The following DEUP1 variants were observed in gnomAD, a reference collection of about 807,000 sequenced individuals.
DEUP1 encodes the protein deuterosome assembly protein 1.
DEUP1 carries 82 observed loss-of-function variants against 87.4 expected under a neutral mutation model. That is an observed-to-expected ratio of 0.94 (90% CI 0.78 to 1.13). The LOEUF is 1.13. Among genes scored for constraint, DEUP1 ranks in the 50% most tolerant of loss-of-function variants. DEUP1 has a pLI of 0.00. For synonymous variants in DEUP1, 214 were observed against 222.7 expected (o/e 0.96, Z 0.35); for missense variants, 663 against 681.5 (o/e 0.97, Z 0.30).
Position 93,372,149 on chromosome 11 carries a change from C to G in DEUP1, c.789+869C>G, listed in dbSNP as rs189694204. Among the ~76,000 whole-genome samples the G allele has an allele frequency of 9.9e-3, 1,511 of 152,008 alleles. 26 individuals carry two copies. Among genetic ancestry groups the G allele is most frequent in the African/African-American group, 0.034 (1,400 of 41,464 alleles). ...TTCACCGTTTTAGCCGGGATGGTCT[C>G]GATCTCCTGACCTCGTGATCCGCCC... On this transcript the variant is annotated intron_variant, in intron 7 of 13. Transcript: ENST00000298050.
chr11:93,359,604 G>T (rs746113951), intron 4 of DEUP1, among the ~76,000 whole-genome samples: 12 of 152,056 alleles, frequency 7.9e-5, no homozygotes, highest in Non-Finnish European at 1.8e-4. Flanking sequence ...ACAGAAGCTG[G>T]CAAACCAGTT....
chr11:93,392,536 T>C (rs1946796998), intron 9 of DEUP1, among the ~76,000 whole-genome samples: 1 of 152,192 alleles, frequency 6.6e-6, no homozygotes, highest in Admixed American at 6.5e-5. Flanking sequence ...CATGTTTAGA[T>C]ACTAATTCAA....
chr11:93,336,254 A>AG (rs1217814423), intron 2 of DEUP1, among the ~76,000 whole-genome samples: 2 of 152,050 alleles, frequency 1.3e-5, no homozygotes, highest in African/African-American at 4.8e-5. Flanking sequence ...GAGAGAGAGA[A>AG]GGGGGGAGTT....
chr11:93,417,051 T>C, intron 13 of DEUP1, among the ~76,000 whole-genome samples: 1 of 150,836 alleles, frequency 6.6e-6, no homozygotes, highest in East Asian at 2.0e-4. Flanking sequence ...GAGCTATCTA[T>C]GACAAACCCA....
At chr11:93,414,617 G>C (rs1947549182) in intron 12 of DEUP1, among the ~76,000 whole-genome samples, 1 of 152,122 alleles carries the variant, frequency 6.6e-6, no homozygotes, top group Non-Finnish European at 1.5e-5. Flanking sequence ...AATAGAAAAA[G>C]AGTATCTATT....
chr11:93,430,168 GTT>G (rs1948060260), intron 13 of DEUP1, among the ~76,000 whole-genome samples: 1 of 152,120 alleles, frequency 6.6e-6, no homozygotes, highest in East Asian at 1.9e-4. Context: ...TTCCCAGCCT[GTT>G]TCTAGGGTTC....
chr11:93,437,747 C>CCT lies in DEUP1; in HGVS notation c.*29_*30insTC. On this transcript the variant is annotated 3_prime_UTR_variant, in exon 14 of 14. Coordinates refer to ENST00000298050, the MANE Select transcript of DEUP1 (RefSeq NM_181645.4). Reference sequence around the variant, plus strand: ...TTTTAAACTTTTTTATTTGCTTCCCCCCCCCACCCCCGCCAAGAAAAAAAG... The same window carrying CCT: ...TTTTAAACTTTTTTATTTGCTTCCCCCTCCCCCACCCCCGCCAAGAAAAAAAG... The CCT allele has an allele frequency of 1.9e-5, 20 of 1,052,652 alleles. No individual in the cohort carries two copies. The highest frequency in any genetic ancestry group is 2.8e-5 in the East Asian group (1 of 35,754). The allele number at this position is 1,052,652 out of a possible 1,614,324, so 65.2% of individuals were successfully genotyped here. A position where few individuals can be genotyped will look rare whatever the true frequency, so the allele number is the denominator to read the frequency against.
chr11:93,408,371 A>G lies in DEUP1; in HGVS notation c.1467A>G (p.Glu489=). 6.4e-7 allele frequency: 1 copy of G among 1,571,638 alleles called. No homozygotes were observed. The part of the protein sequence containing the change: ...KSTWTNQNTY[E]ETGRYAYQSQ... ...CCTGGACTAATCAAAACACCTATGAAGAAACAGGAAGATATGCCTATCAAA... is the reference window on the plus strand; with the variant it reads ...CCTGGACTAATCAAAACACCTATGAGGAAACAGGAAGATATGCCTATCAAA... Residue 489 remains glutamate (E), a synonymous_variant, in exon 12 of 14, where the codon GAA becomes GAG. Transcript: ENST00000298050.
At chr11:93,340,883 C>T (rs934380575) in intron 2 of DEUP1, among the ~76,000 whole-genome samples, 12 of 152,124 alleles carry the variant, frequency 7.9e-5, no homozygotes, top group Admixed American at 5.9e-4. Context: ...CAAGTGAAGA[C>T]GTTTGTCGTA....
intron 13 of DEUP1, among the ~76,000 whole-genome samples, chr11:93,416,632 C>G (rs372243773): frequency 2.0e-5 from 3 of 151,758 alleles, no homozygotes; most frequent in Non-Finnish European, 2.9e-5. Flanking sequence ...CCTTCTGAAA[C>G]TATTCCAATC....
chr11:93,330,171 AG>A (rs1229571029), upstream of DEUP1: 6 of 152,280 alleles, frequency 3.9e-5, no homozygotes, highest in Non-Finnish European at 7.3e-5. Flanking sequence ...GGAAGACGCT[AG>A]GGTGAACGGA....
chr11:93,383,674 A>G, intron 7 of DEUP1: 1 of 631,804 alleles, frequency 1.6e-6, no homozygotes, highest in South Asian at 1.9e-5. Context: ...TATTTCAATG[A>G]ATATTCAGTA....
intron 2 of DEUP1, 66 bp downstream of exon 2, chr11:93,332,354 A>C: frequency 7.4e-7 from 1 of 1,347,668 alleles, no homozygotes; most frequent in Non-Finnish European, 1.0e-6. Flanking sequence ...TCCTGAGAAC[A>C]CATGAATTTT....
Position 93,404,374 on chromosome 11 carries a change from A to G in DEUP1, c.1327-3857A>G, listed in dbSNP as rs1390127375. ...TTTTATTTAAGAAAGTTGTAATAAAATCAGATTTAATTAGAACTCAGAATC... is the reference window on the plus strand; with the variant it reads ...TTTTATTTAAGAAAGTTGTAATAAAGTCAGATTTAATTAGAACTCAGAATC... On this transcript the variant is annotated intron_variant, in intron 11 of 13. Coordinates refer to ENST00000298050, the MANE Select transcript of DEUP1 (RefSeq NM_181645.4). Among the ~76,000 whole-genome samples the G allele has an allele frequency of 3.9e-5, 6 of 152,096 alleles. 1 individual carries two copies. Among genetic ancestry groups the G allele is most frequent in the Non-Finnish European group, 2.9e-5 (2 of 67,988 alleles).
At chr11:93,431,829 C>T (rs2134507789) in intron 13 of DEUP1, among the ~76,000 whole-genome samples, 1 of 152,222 alleles carries the variant, frequency 6.6e-6, no homozygotes, top group East Asian at 1.9e-4. Flanking sequence ...AAAGATGACT[C>T]CTAGGATTTC....
chr11:93,437,498 A>T, intron 13 of DEUP1, 45 bp from the exon 14 acceptor site: 1 of 1,463,126 alleles, frequency 6.8e-7, no homozygotes, highest in Non-Finnish European at 9.3e-7. Flanking sequence ...AAGATTTTTT[A>T]AAGCTCTGTA....
At position 93,371,274 on chromosome 11, in the gene DEUP1, G is replaced by A. The variant is rs1156636765; in HGVS notation, c.783G>A (p.Gln261=). The change falls in exon 7 of 14, where the codon CAG becomes CAA. Residue 261 remains glutamine, a synonymous_variant. Transcript: ENST00000298050. ...LLQELKMYQR[Q]CQAMEAGLSE... is the part of the protein sequence containing the mutation. ...AAGAACTGAAAATGTACCAAAGACA[G>A]TGCCAGGTGAAGATTAATTTTTTTT... The A allele has an allele frequency of 6.2e-7, 1 of 1,610,032 alleles. No homozygotes were observed. The highest frequency in any genetic ancestry group is 1.7e-5 in the Admixed American group (1 of 59,308).
chr11:93,437,503 T>G (rs1948280969), intron 13 of DEUP1, 40 bp from the exon 14 acceptor site: 1 of 1,512,282 alleles, frequency 6.6e-7, no homozygotes, highest in African/African-American at 1.4e-5. Context: ...TTTTTAAAGC[T>G]CTGTATTCCT....
chr11:93,402,297 G>A (rs547818311), intron 11 of DEUP1, among the ~76,000 whole-genome samples: 22 of 151,822 alleles, frequency 1.4e-4, no homozygotes, highest in South Asian at 8.3e-4. Flanking sequence ...AATCAAAACC[G>A]CAATCAGATA....
Sources: allele counts gnomAD v4.1 joint callset (sites outside exome capture counted in the v4.1 genomes callset), GRCh38; gene constraint gnomAD v4.1.1; transcripts MANE v1.5; gene names NCBI Gene and HGNC (gene_info 2026-07-23, HGNC 2026-07-21).